The following STEEP1 variants were observed in gnomAD, a reference collection of about 807,000 sequenced individuals.
STEEP1 encodes the protein STING1 ER exit protein 1, also known as STING ER exit protein.
A neutral mutation model predicts 19.2 loss-of-function variants in STEEP1; 3 were observed. That is an observed-to-expected ratio of 0.16 (90% CI 0.07 to 0.40). The LOEUF (loss-of-function observed/expected upper bound fraction) is 0.40. Ranked by LOEUF, STEEP1 falls within the 10% of genes least tolerant of loss-of-function variation. The probability of loss-of-function intolerance (pLI) is 0.99; values close to 1 mark genes in which losing one functional copy is unlikely to be tolerated. For synonymous variants in STEEP1, 46 were observed against 63.7 expected, an observed-to-expected ratio of 0.72 and a Z score of 1.32; for missense variants, 54 against 177.1, an observed-to-expected ratio of 0.30 and a Z score of 3.94.
chrX:119,543,334 T>C (rs1376002379), intron 4 of STEEP1, among the ~76,000 whole-genome samples: 3 of 110,006 alleles, frequency 2.7e-5, no homozygotes, highest in African/African-American at 6.6e-5. Flanking sequence ...ATTACAGGCA[T>C]GCACCACCAT....
Position 119,544,501 on chromosome X carries a change from C to T in STEEP1, c.285-10G>A. On this transcript the variant is annotated splice_polypyrimidine_tract_variant and intron_variant, in intron 3 of 6. Transcript: ENST00000644802. ...GAGCGGCAGTCCACACCTGCAATGACACAGTGAATTTCTGCGAGGTCTCAT... is the reference window on the plus strand; with the variant it reads ...GAGCGGCAGTCCACACCTGCAATGATACAGTGAATTTCTGCGAGGTCTCAT... 4 of 1,205,576 alleles carry T rather than the reference C, an allele frequency of 3.3e-6. No homozygotes were observed. The highest frequency in any genetic ancestry group is 4.5e-6 in the Non-Finnish European group (4 of 891,860).
rs980076246 is a variant in STEEP1 at position 119,542,127 on chromosome X, C to A, written c.513+378G>T. On this transcript the variant is annotated intron_variant, in intron 5 of 6. Transcript: ENST00000644802. ...CTGTCCCCAGGCTGGAGTGCACTGG[C>A]GCAATCTCGGTTCACTGAAGCCTCC... Among the ~76,000 whole-genome samples, 3 of 100,913 alleles carry A rather than the reference C, an allele frequency of 3.0e-5. No homozygotes were observed. The Admixed American group carries it at 3.4e-4, about 11-fold the overall frequency. 87.6% of individuals were successfully genotyped at this position (100,913 alleles called of 115,157 possible). A position where few individuals can be genotyped will look rare whatever the true frequency, so the allele number is the denominator to read the frequency against.
intron 2 of STEEP1, among the ~76,000 whole-genome samples, chrX:119,557,878 T>G (rs2053292285): frequency 1.8e-5 from 2 of 111,592 alleles, no homozygotes; most frequent in Admixed American, 1.9e-4. Context: ...CAACTTCTCT[T>G]GTTTTAGGCC....
intron 2 of STEEP1, 61 bp downstream of exon 2, chrX:119,560,207 T>C: frequency 1.3e-6 from 1 of 785,468 alleles, no homozygotes; most frequent in Non-Finnish European, 2.0e-6. Context: ...ATATTTATAT[T>C]ATTCAGAAAC....
At chrX:119,552,048 C>T (rs752002863) in intron 2 of STEEP1, among the ~76,000 whole-genome samples, 3 of 109,963 alleles carry the variant, frequency 2.7e-5, no homozygotes, top group Non-Finnish European at 3.8e-5. Context: ...TGCGCACCAC[C>T]ACGCCCAGCT....
At chrX:119,564,001 T>C (rs1420265195) in intron 1 of STEEP1, among the ~76,000 whole-genome samples, 1 of 111,626 alleles carries the variant, frequency 9.0e-6, no homozygotes, top group African/African-American at 3.3e-5. Context: ...AGTGGAGATG[T>C]TGAATAGGCA....
chrX:119,542,055 C>CTTTTTTTTTTTTTTTTTTTTT (rs201339708), intron 5 of STEEP1, among the ~76,000 whole-genome samples: 11 of 82,922 alleles, frequency 1.3e-4, no homozygotes, highest in Non-Finnish European at 2.3e-4. Flanking sequence ...CTTTTCTTTT[C>CTTTTTTTTTTTTTTTTTTTTT]TTTTTTTTTT....
At chrX:119,553,950 G>A (rs1041595200) in intron 2 of STEEP1, among the ~76,000 whole-genome samples, 2 of 112,155 alleles carry the variant, frequency 1.8e-5, no homozygotes, top group Non-Finnish European at 3.8e-5. Flanking sequence ...GAAAAATAAG[G>A]CAGGGTTCCT....
In STEEP1 at chrX:119,560,944, T is replaced by C. The variant is rs193007070; in HGVS notation, c.125-559A>G. Among the ~76,000 whole-genome samples, 484 of 108,443 alleles carry C rather than the reference T, an allele frequency of 4.5e-3. 4 individuals are homozygous for C. The highest frequency in any genetic ancestry group is 0.016 in the African/African-American group (462 of 29,706). The allele number at this position is 108,443 out of a possible 115,157, so 94.2% of individuals were successfully genotyped here. The stretch of plus-strand genomic sequence containing the variant: ...AGTGCAATGCTGTAGTGTTCCATGA[T>C]TGTGCCTGTGAATAGCCACTGTACT... On this transcript the variant is annotated intron_variant, in intron 1 of 6. Transcript: ENST00000644802.
intron 1 of STEEP1, among the ~76,000 whole-genome samples, chrX:119,563,797 G>A (rs2053338242): frequency 8.9e-6 from 1 of 111,808 alleles, no homozygotes; most frequent in African/African-American, 3.2e-5. Flanking sequence ...TTTCCTGATG[G>A]ACTGGACAGA....
intron 3 of STEEP1, among the ~76,000 whole-genome samples, 161 bp from the exon 4 acceptor site, chrX:119,544,652 T>C (rs1449828600): frequency 8.9e-6 from 1 of 112,411 alleles, no homozygotes; most frequent in Non-Finnish European, 1.9e-5. Context: ...CTGATAAGAA[T>C]CACTTAGGCC....
intron 1 of STEEP1, 147 bp downstream of exon 1, chrX:119,565,085 G>A (rs1000593837): frequency 3.2e-6 from 3 of 938,966 alleles, no homozygotes; most frequent in Non-Finnish European, 2.9e-6. Flanking sequence ...AGTGGGGCGG[G>A]GATGCGTAGG....
At chrX:119,541,598 G>A (rs550151317) in intron 5 of STEEP1, among the ~76,000 whole-genome samples, 178 bp from the exon 6 acceptor site, 2 of 111,999 alleles carry the variant, frequency 1.8e-5, no homozygotes, top group South Asian at 7.4e-4. Context: ...TATTTTGTTT[G>A]ATTGCTTGTT....
chrX:119,565,133 G>C (rs1329758108), intron 1 of STEEP1, 99 bp downstream of exon 1: 18 of 1,103,246 alleles, frequency 1.6e-5, no homozygotes, highest in Non-Finnish European at 2.2e-5. Flanking sequence ...ACCAATCTTC[G>C]TTGAGAAGTG....
chrX:119,548,529 T>C (rs1476226217), intron 2 of STEEP1, among the ~76,000 whole-genome samples: 3 of 35,849 alleles, frequency 8.4e-5, no homozygotes, highest in Admixed American at 7.5e-4. Context: ...TAAGACTCTG[T>C]CTCAAAAAAA....
In STEEP1 at chrX:119,560,455, C is replaced by T. The variant is rs768189294; in HGVS notation, c.125-70G>A. 2.4e-5 allele frequency: 17 copies of T among 709,017 alleles called. No homozygotes were observed. In the South Asian group the frequency reaches 3.8e-4, roughly 16 times the overall value. The allele number at this position is 709,017 out of a possible 1,213,427, so 58.4% of individuals were successfully genotyped here. A position where few individuals can be genotyped will look rare whatever the true frequency, so the allele number is the denominator to read the frequency against. ...TAGCAAATGAGTCACTGCAAAATAT[C>T]CTGAGAAGTTTTGAGTGGGATCCCT... On this transcript the variant is annotated intron_variant, in intron 1 of 6. Transcript: ENST00000644802.
At chrX:119,557,910 T>G (rs985864294) in intron 2 of STEEP1, among the ~76,000 whole-genome samples, 1 of 108,974 alleles carries the variant, frequency 9.2e-6, no homozygotes, top group African/African-American at 3.3e-5. Flanking sequence ...AGTACTTTAT[T>G]TTTTTTTTAT....
rs182082186 is a variant in STEEP1 at position 119,552,554 on chromosome X, G to A, written c.243-7050C>T. On this transcript the variant is annotated intron_variant, in intron 2 of 6. Coordinates refer to ENST00000644802, the MANE Select transcript of STEEP1 (RefSeq NM_022101.4). ...GAGCTTCCATGCCCTCCCTGGACACGCCACCCTTCAGGAACCTCCACATAT... is the reference window on the plus strand; with the variant it reads ...GAGCTTCCATGCCCTCCCTGGACACACCACCCTTCAGGAACCTCCACATAT... Among the ~76,000 whole-genome samples, 49 of 112,346 alleles carry A rather than the reference G, an allele frequency of 4.4e-4. No homozygotes were observed. In the East Asian group the frequency reaches 9.0e-3, roughly 21 times the overall value.
intron 2 of STEEP1, among the ~76,000 whole-genome samples, chrX:119,548,309 C>T (rs755625635): frequency 6.2e-4 from 68 of 110,383 alleles, no homozygotes; most frequent in Non-Finnish European, 1.2e-3. Flanking sequence ...CCGAGGCAGG[C>T]GGATCACGAA....
Sources: allele counts gnomAD v4.1 joint callset (sites outside exome capture counted in the v4.1 genomes callset), GRCh38; gene constraint gnomAD v4.1.1; transcripts MANE v1.5; gene names NCBI Gene and HGNC (gene_info 2026-07-23, HGNC 2026-07-21).